Variants in TBC1D30 observed in about 807,000 individuals in gnomAD.
The protein encoded by TBC1D30 is TBC1 domain family, member 30.
Under a neutral mutation model 63.2 loss-of-function variants are expected in TBC1D30, and 31 were observed. That is an observed-to-expected ratio of 0.49 (90% CI 0.37 to 0.66). The LOEUF is 0.66. Among genes scored for constraint, TBC1D30 ranks in the 30% least tolerant of loss-of-function variants. The pLI, the probability that TBC1D30 is intolerant of heterozygous loss-of-function variation, is 0.00. For synonymous variants in TBC1D30, 307 were observed against 361.5 expected (o/e 0.85, Z 1.71); for missense variants, 810 against 953.6 (o/e 0.85, Z 1.98).
intron 8 of TBC1D30, among the ~76,000 whole-genome samples, chr12:64,845,809 G>A (rs1046587907): frequency 1.4e-4 from 21 of 151,848 alleles, no homozygotes; most frequent in Non-Finnish European, 3.1e-4. Flanking sequence ...ATAGGTGTTT[G>A]CCACCATGCC....
At chr12:64,803,238 T>C (rs1161622875) in intron 2 of TBC1D30, among the ~76,000 whole-genome samples, 1 of 152,262 alleles carries the variant, frequency 6.6e-6, no homozygotes, top group East Asian at 1.9e-4. Flanking sequence ...TGCATTTCTA[T>C]GATGGCTAGC....
intron 2 of TBC1D30, among the ~76,000 whole-genome samples, chr12:64,801,681 C>T (rs1872588162): frequency 6.6e-6 from 1 of 152,110 alleles, no homozygotes; most frequent in Admixed American, 6.5e-5. Flanking sequence ...ATCCAGTAAA[C>T]ATTTATTAAT....
Position 64,878,010 on chromosome 12 carries a change from T to C in TBC1D30, c.*2222T>C, listed in dbSNP as rs1046939689. 3 of 174,888 alleles carry C rather than the reference T, an allele frequency of 1.7e-5. No individual in the cohort carries two copies. Among genetic ancestry groups the C allele is most frequent in the African/African-American group, 7.1e-5 (3 of 42,450 alleles). 10.8% of individuals were successfully genotyped at this position (174,888 alleles called of 1,614,324 possible). A position where few individuals can be genotyped will look rare whatever the true frequency, so the allele number is the denominator to read the frequency against. On this transcript the variant is annotated 3_prime_UTR_variant, in exon 12 of 12. Transcript: ENST00000539867. ...TATCAACAACACATGCTGTGCCCTG[T>C]GAACACTCTCCTCTCACCTATTTCC...
chr12:64,865,745 A>G (rs1013386590), intron 9 of TBC1D30, among the ~76,000 whole-genome samples: 8 of 152,150 alleles, frequency 5.3e-5, no homozygotes, highest in African/African-American at 1.9e-4. Context: ...AGTCCTAGCT[A>G]CTTGGGAGGC....
chr12:64,788,280 C>G (rs1429780640), intron 2 of TBC1D30, among the ~76,000 whole-genome samples: 1 of 151,056 alleles, frequency 6.6e-6, no homozygotes, highest in Non-Finnish European at 1.5e-5. Context: ...GATAGTTTTC[C>G]ATTAATTCTG....
chr12:64,769,984 T>C (rs1870848008), intron 1 of TBC1D30, among the ~76,000 whole-genome samples: 1 of 152,212 alleles, frequency 6.6e-6, no homozygotes, highest in African/African-American at 2.4e-5. Context: ...CTTTTGAAGG[T>C]CATTTGAAAA....
At chr12:64,788,192 G>GGTGTGTGT (rs61697442) in intron 2 of TBC1D30, among the ~76,000 whole-genome samples, 68 of 145,144 alleles carry the variant, frequency 4.7e-4, no homozygotes, top group African/African-American at 1.5e-3. Flanking sequence ...GGTGTGTAGG[G>GGTGTGTGT]GTGTGTGTGT....
At chr12:64,853,975 C>T (rs945617691) in intron 8 of TBC1D30, among the ~76,000 whole-genome samples, 4 of 152,226 alleles carry the variant, frequency 2.6e-5, no homozygotes, top group African/African-American at 9.6e-5. Flanking sequence ...TGTATCTTTA[C>T]AGGTGAAGTG....
chr12:64,874,868 C>T, intron 11 of TBC1D30, 133 bp from the exon 12 acceptor site: 1 of 794,218 alleles, frequency 1.3e-6, no homozygotes, highest in Non-Finnish European at 1.9e-6. Context: ...TCACATGACT[C>T]TGCCCCTCCC....
At chr12:64,809,472 C>T (rs560911160) in intron 2 of TBC1D30, among the ~76,000 whole-genome samples, 155 of 152,222 alleles carry the variant, frequency 1.0e-3, no homozygotes, top group African/African-American at 3.4e-3. Context: ...TAGAATGTTA[C>T]TTTTGTTTAT....
chr12:64,849,201 A>G (rs1457886519), intron 8 of TBC1D30, among the ~76,000 whole-genome samples: 2 of 152,182 alleles, frequency 1.3e-5, no homozygotes, highest in Non-Finnish European at 2.9e-5. Flanking sequence ...ATAGATTACA[A>G]AAGTTTTCTC....
upstream of TBC1D30, among the ~76,000 whole-genome samples, chr12:64,822,671 G>C (rs113955259): frequency 4.5e-4 from 55 of 121,948 alleles, no homozygotes; most frequent in African/African-American, 1.7e-3. Context: ...GCTAATTTTT[G>C]TAGCTTTTTT....
chr12:64,857,815 C>A (rs559994245), intron 8 of TBC1D30, among the ~76,000 whole-genome samples: 2 of 152,218 alleles, frequency 1.3e-5, no homozygotes, highest in Non-Finnish European at 2.9e-5. Flanking sequence ...GGTTCAAATG[C>A]CCCCTCTGTG....
chr12:64,836,476 C>T lies in TBC1D30; in HGVS notation c.595-14C>T, dbSNP rs766736559. The T allele has an allele frequency of 1.3e-6, 2 of 1,530,654 alleles. No individual in the cohort carries two copies. The highest frequency in any genetic ancestry group is 2.4e-5 in the South Asian group (2 of 83,582). 94.8% of individuals were successfully genotyped at this position (1,530,654 alleles called of 1,614,324 possible). A position where few individuals can be genotyped will look rare whatever the true frequency, so the allele number is the denominator to read the frequency against. On this transcript the variant is annotated splice_polypyrimidine_tract_variant and intron_variant, in intron 5 of 11. Transcript: ENST00000539867. ...TTTACAAAGCAGTCTTAAGCTTTAT[C>T]TTTTTTTCTTTAGATTATGATTTAC...
chr12:64,808,619 C>T (rs546851098), intron 2 of TBC1D30, among the ~76,000 whole-genome samples: 25 of 152,250 alleles, frequency 1.6e-4, no homozygotes, highest in Non-Finnish European at 3.2e-4. Flanking sequence ...ACTATCTTAA[C>T]CATTTTAAGT....
Position 64,781,191 on chromosome 12 carries a change from TG to T in TBC1D30, c.386del (p.Gly129AlafsTer36). The stretch of plus-strand genomic sequence containing the variant: ...GAGGCCTCGGGCTCCGACGTGGTCC[TG>T]GGCGGCCGCAGCGGTGCCGGCGACT... On this transcript the variant is annotated frameshift_variant, in exon 1 of 13. Transcript: ENST00000542120. LOFTEE classifies it high-confidence loss of function. 1 of 1,087,604 alleles carries T rather than the reference TG, an allele frequency of 9.2e-7. No individual in the cohort carries two copies. Among genetic ancestry groups the T allele is most frequent in the Non-Finnish European group, 1.1e-6 (1 of 888,128 alleles). 67.4% of individuals were successfully genotyped at this position (1,087,604 alleles called of 1,614,324 possible).
chr12:64,868,144 AG>A (rs1878374617), intron 10 of TBC1D30: 1 of 169,070 alleles, frequency 5.9e-6, no homozygotes, highest in Admixed American at 5.6e-5. Flanking sequence ...TCCTCCATGC[AG>A]ATGATATCAT....
At chr12:64,760,706 T>A (rs1262952559) in intron 1 of TBC1D30, among the ~76,000 whole-genome samples, 1 of 151,066 alleles carries the variant, frequency 6.6e-6, no homozygotes, top group African/African-American at 2.4e-5. Flanking sequence ...CTCTTAAAAC[T>A]CGTGAAAACT....
At chr12:64,836,834 T>C (rs1051021153) in intron 6 of TBC1D30, among the ~76,000 whole-genome samples, 176 bp downstream of exon 6, 3 of 152,178 alleles carry the variant, frequency 2.0e-5, no homozygotes, top group Non-Finnish European at 2.9e-5. Context: ...AAAGGCCACA[T>C]GTTGAACCTC....
Sources: gnomAD v4.1 joint callset for allele counts (sites outside exome capture counted in the v4.1 genomes callset) on GRCh38, gnomAD v4.1.1 for gene constraint, MANE v1.5 for transcripts, NCBI Gene and HGNC (gene_info 2026-07-23, HGNC 2026-07-21) for gene names.